Variants in FHAD1 observed in about 807,000 individuals in gnomAD.
FHAD1 encodes the protein forkhead-associated domain-containing protein 1.
FHAD1 carries 146 observed loss-of-function variants against 191.3 expected under a neutral mutation model. The observed-to-expected ratio is 0.76, with a 90% CI of 0.67 to 0.88. The LOEUF (loss-of-function observed/expected upper bound fraction) is 0.88, where lower values mean the gene tolerates loss of function less well. Ranked by LOEUF, FHAD1 falls within the 40% of genes least tolerant of loss-of-function variation. The pLI is 0.00. For missense variants in FHAD1, 1,635 were observed against 1,785.8 expected, an observed-to-expected ratio of 0.92 and a Z score of 1.52; for synonymous variants, 616 against 672.3, an observed-to-expected ratio of 0.92 and a Z score of 1.29.
At chr1:15,240,630 CA>C (rs34684294) in intron 1 of FHAD1, among the ~76,000 whole-genome samples, 37,535 of 109,508 alleles carry the variant, frequency 0.34, 5,681 homozygotes, top group East Asian at 0.62. Context: ...GACCCTGTCT[CA>C]AAAAAAAAAA....
chr1:15,317,849 T>C lies in FHAD1; in HGVS notation c.1286T>C (p.Met429Thr). ...CAAATCCAAGACATGGAGAAAGAAA[T>C]GAAGAAGCTTAGGGCAGAGCTGAGG... The part of the protein sequence containing the change: ...KTQIQDMEKE[M>T]KKLRAELRKS... The change falls in exon 10 of 34, where the codon ATG becomes ACG. Residue 429 changes from methionine to threonine, a missense_variant. Transcript: ENST00000688493. The C allele has an allele frequency of 6.4e-7, 1 of 1,551,596 alleles. No individual in the cohort carries two copies. Among genetic ancestry groups the C allele is most frequent in the Non-Finnish European group, 8.7e-7 (1 of 1,146,944 alleles).
chr1:15,397,185 C>T (rs540170410), intron 33 of FHAD1, 112 bp from the exon 34 acceptor site: 84 of 497,988 alleles, frequency 1.7e-4, no homozygotes, highest in African/African-American at 1.4e-3. Context: ...AGCGAGACTC[C>T]GTCTCAAAAA....
intron 19 of FHAD1, among the ~76,000 whole-genome samples, chr1:15,349,554 G>A (rs10927773): frequency 0.49 from 75,154 of 152,156 alleles, 19,001 homozygotes; most frequent in African/African-American, 0.6. Flanking sequence ...AGCGGCATGT[G>A]TGCCACACCT....
intron 1 of FHAD1, among the ~76,000 whole-genome samples, chr1:15,248,932 G>A (rs1346878516): frequency 6.6e-6 from 1 of 150,760 alleles, no homozygotes; most frequent in Non-Finnish European, 1.5e-5. Flanking sequence ...CCCTGGATAG[G>A]GACACTATCC....
At position 15,375,716 on chromosome 1, in the gene FHAD1, A is replaced by G; in HGVS notation, c.3691A>G (p.Ile1231Val). The G allele has an allele frequency of 6.5e-7, 1 of 1,543,362 alleles. No individual in the cohort carries two copies. Among genetic ancestry groups the G allele is most frequent in the Non-Finnish European group, 8.7e-7 (1 of 1,144,710 alleles). Residue 1231 changes from isoleucine to valine, a missense_variant, in exon 28 of 34, where the codon ATA becomes GTA. By Grantham distance (29) the Ile-to-Val change is conservative. Transcript: ENST00000688493. ...AKPDLPTLSRIEILAPQNGLC... is the reference protein window; with the variant it reads ...AKPDLPTLSRVEILAPQNGLC... ...ACCGGATTTGCCAACTCTCTCAAGAATAGAGATCCTAGCGGTAACCAAAGA... is the reference window on the plus strand; with the variant it reads ...ACCGGATTTGCCAACTCTCTCAAGAGTAGAGATCCTAGCGGTAACCAAAGA...
At chr1:15,256,392 C>T (rs955914402) in intron 2 of FHAD1, among the ~76,000 whole-genome samples, 3 of 152,048 alleles carry the variant, frequency 2.0e-5, no homozygotes, top group African/African-American at 7.2e-5. Context: ...GTGGCTCACG[C>T]CTGTAATTCC....
At chr1:15,380,011 C>A (rs12064704) in intron 28 of FHAD1, among the ~76,000 whole-genome samples, 11,492 of 152,254 alleles carry the variant, frequency 0.075, 1,402 homozygotes, top group African/African-American at 0.25. Context: ...TGCATCATCT[C>A]TGGAAAGGGT....
chr1:15,316,567 T>G lies in FHAD1; in HGVS notation c.1260+100T>G. ...TGGGCCATCACTAAGCATGAAGCTC[T>G]GGGGCTCTGTGCTTGCTTGTTTAAC... On this transcript the variant is annotated intron_variant, in intron 9 of 33. Coordinates refer to ENST00000688493, the MANE Select transcript of FHAD1 (RefSeq NM_001391957.1). The surrounding 1 kb of genome is among the most constrained non-coding windows in gnomAD (Gnocchi z 4.3). The G allele has an allele frequency of 2.2e-6, 2 of 927,722 alleles. No homozygotes were observed. The highest frequency in any genetic ancestry group is 3.4e-6 in the Non-Finnish European group (2 of 596,912). The allele number at this position is 927,722 out of a possible 1,614,324, so 57.5% of individuals were successfully genotyped here.
At chr1:15,317,631 C>T (rs1227335843) in intron 9 of FHAD1, among the ~76,000 whole-genome samples, 193 bp from the exon 10 acceptor site, 1 of 152,118 alleles carries the variant, frequency 6.6e-6, no homozygotes, top group East Asian at 1.9e-4. Flanking sequence ...ATATATCAGT[C>T]GAAAAATAAA....
Position 15,318,656 on chromosome 1 carries a change from A to G in FHAD1, c.1365+728A>G, listed in dbSNP as rs2101530618. ...CTCAAAAAAAAAAAAATTTAATTAA[A>G]AATAAATAAAACAAAACGTTGCTCC... On this transcript the variant is annotated intron_variant, in intron 10 of 33. Coordinates refer to ENST00000688493, the MANE Select transcript of FHAD1 (RefSeq NM_001391957.1). This position sits in a 1 kb window ranked among gnomAD's most constrained non-coding sequence, Gnocchi z 4.1. 6.6e-6 allele frequency among the ~76,000 whole-genome samples: 1 copy of G among 152,288 alleles called. No homozygotes were observed. Among genetic ancestry groups the G allele is most frequent in the Middle Eastern group, 3.4e-3 (1 of 294 alleles).
At chr1:15,395,778 T>C (rs966497188) in intron 33 of FHAD1, among the ~76,000 whole-genome samples, 1 of 150,860 alleles carries the variant, frequency 6.6e-6, no homozygotes, top group Non-Finnish European at 1.5e-5. Flanking sequence ...GTAAACTTTC[T>C]TAAAACATTA....
chr1:15,400,281 A>C (rs1176832229), downstream of FHAD1: 2 of 152,264 alleles, frequency 1.3e-5, no homozygotes, highest in Admixed American at 6.5e-5. Context: ...CTATCTATTT[A>C]AACCACTGTA....
intron 18 of FHAD1, among the ~76,000 whole-genome samples, chr1:15,348,560 C>T (rs558208107): frequency 3.3e-5 from 5 of 152,294 alleles, no homozygotes; most frequent in African/African-American, 9.6e-5. Flanking sequence ...TATCGTGGCT[C>T]ATTAGTCCAA....
chr1:15,319,546 G>C (rs1391640993), intron 10 of FHAD1, among the ~76,000 whole-genome samples: 1 of 152,146 alleles, frequency 6.6e-6, no homozygotes, highest in Non-Finnish European at 1.5e-5. Context: ...GATTGCTTTA[G>C]ACCAGGAGTT....
intron 33 of FHAD1, among the ~76,000 whole-genome samples, chr1:15,392,480 C>T (rs1334191208): frequency 6.6e-6 from 1 of 151,922 alleles, no homozygotes; most frequent in African/African-American, 2.4e-5. Context: ...TGCAGTGAGC[C>T]GAGATTGCGC....
At chr1:15,357,046 T>C (rs766503037) in intron 20 of FHAD1, among the ~76,000 whole-genome samples, 1 of 152,154 alleles carries the variant, frequency 6.6e-6, no homozygotes, top group Non-Finnish European at 1.5e-5. Flanking sequence ...TGACCCACCC[T>C]GTGCATCAGT....
chr1:15,294,112 C>T (rs1666078224), intron 4 of FHAD1, among the ~76,000 whole-genome samples: 1 of 152,172 alleles, frequency 6.6e-6, no homozygotes, highest in South Asian at 2.1e-4. Context: ...CAGACCCGGG[C>T]CTCTCTGCTC....
rs115923188 is a variant in FHAD1 at position 15,292,717 on chromosome 1, A to T, written c.568+3051A>T. On this transcript the variant is annotated intron_variant, in intron 4 of 33. Coordinates refer to ENST00000688493, the MANE Select transcript of FHAD1 (RefSeq NM_001391957.1). ...AAAGACCATGTGAGGACACAGTGAG[A>T]AGGTGGCCGTCTGCAAGCCAAGAAG... 2.8e-3 allele frequency among the ~76,000 whole-genome samples: 419 copies of T among 152,308 alleles called. 1 individual carries two copies. Among genetic ancestry groups the T allele is most frequent in the African/African-American group, 9.3e-3 (386 of 41,566 alleles).
chr1:15,324,567 T>A lies in FHAD1; in HGVS notation c.1473+8T>A. ...GAGAGGGCAGTAGGTCAGGTAGGCA[T>A]GTTCCAGAGCCCCCCTCATTGGCCC... On this transcript the variant is annotated splice_region_variant and intron_variant, in intron 11 of 33. Coordinates refer to ENST00000688493, the MANE Select transcript of FHAD1 (RefSeq NM_001391957.1). The A allele has an allele frequency of 1.3e-6, 2 of 1,537,482 alleles. No individual in the cohort carries two copies. The highest frequency in any genetic ancestry group is 1.8e-6 in the Non-Finnish European group (2 of 1,134,134).
Sources: gnomAD v4.1 joint callset for allele counts (sites outside exome capture counted in the v4.1 genomes callset) on GRCh38, gnomAD v4.1.1 for gene constraint, Gnocchi (gnomAD v3.1) non-coding constraint, MANE v1.5 for transcripts, NCBI Gene and HGNC (gene_info 2026-07-23, HGNC 2026-07-21) for gene names.